Variants in RPS19 observed in about 807,000 individuals in gnomAD.
RPS19 encodes the protein small ribosomal subunit protein eS19.
RPS19 carries 1 observed loss-of-function variant against 20.3 expected under a neutral mutation model. That is an observed-to-expected ratio of 0.05 (90% CI 0.02 to 0.23). The LOEUF is 0.23. Among genes scored for constraint, RPS19 ranks in the 10% least tolerant of loss-of-function variants. The pLI is 1.00. For missense variants in RPS19, 111 were observed against 192.7 expected (o/e 0.58, Z 2.51); for synonymous variants, 87 against 74.8 (o/e 1.16, Z -0.84).
rs781789110 is a variant in RPS19, at chr19:41,869,225, TA to T, written c.356+12del. 10 of 1,610,508 alleles carry T rather than the reference TA, an allele frequency of 6.2e-6. No homozygotes were observed. The East Asian group carries it at 1.6e-4, about 25-fold the overall frequency. On this transcript the variant is annotated intron_variant, in intron 4 of 5. Coordinates refer to ENST00000598742, the MANE Select transcript of RPS19 (RefSeq NM_001022.4). ...AAAGGACCAAGATGGGTAAGCAGGG[TA>T]GAGGGGGCTGCATTGATGGAGTAGC...
intron 2 of RPS19, 65 bp downstream of exon 2, chr19:41,860,910 C>T: frequency 7.1e-7 from 1 of 1,415,382 alleles, no homozygotes; most frequent in Non-Finnish European, 9.9e-7. Flanking sequence ...CATCTGAGCC[C>T]CAGTGTTTGC....
chr19:41,861,378 C>T, intron 3 of RPS19, 166 bp downstream of exon 3: 3 of 647,190 alleles, frequency 4.6e-6, no homozygotes, highest in South Asian at 1.7e-5. Flanking sequence ...ACTTGGTACT[C>T]CAAGTTTTTA....
At chr19:41,860,634 C>T (rs2074018033) in intron 1 of RPS19, 141 bp from the exon 2 acceptor site, 2 of 780,378 alleles carry the variant, frequency 2.6e-6, no homozygotes, top group East Asian at 2.4e-5. Flanking sequence ...GAGCCGGAGC[C>T]CGGCGTTGAA....
intron 3 of RPS19, among the ~76,000 whole-genome samples, 179 bp from the exon 4 acceptor site, chr19:41,868,848 TTGTC>T (rs754925301): frequency 6.0e-4 from 91 of 150,724 alleles, no homozygotes; most frequent in Non-Finnish European, 1.2e-3. Flanking sequence ...GCAGGGCTGT[TTGTC>T]AAGGAAGAGC....
chr19:41,866,745 G>A (rs1284472162), intron 3 of RPS19, among the ~76,000 whole-genome samples: 16 of 152,142 alleles, frequency 1.1e-4, no homozygotes, highest in Admixed American at 5.9e-4. Flanking sequence ...GGCCGGGTGC[G>A]GTGGCTCAAC....
At chr19:41,860,967 C>T (rs1307514877) in intron 2 of RPS19, 122 bp downstream of exon 2, 4 of 1,113,340 alleles carry the variant, frequency 3.6e-6, no homozygotes, top group Non-Finnish European at 5.5e-6. Flanking sequence ...TGGCTCCTTT[C>T]AGCGTGAGGC....
intron 3 of RPS19, among the ~76,000 whole-genome samples, chr19:41,866,672 C>T (rs1248085961): frequency 1.3e-5 from 2 of 152,172 alleles, no homozygotes; most frequent in Admixed American, 1.3e-4. Flanking sequence ...CCAGGATGAA[C>T]CCCAATACCC....
intron 3 of RPS19, 111 bp from the exon 4 acceptor site, chr19:41,868,920 T>G (rs2074116023): frequency 8.7e-7 from 1 of 1,150,112 alleles, no homozygotes; most frequent in Non-Finnish European, 1.3e-6. Flanking sequence ...TAGTGTGTGT[T>G]TTCAGTTTCC....
intron 3 of RPS19, among the ~76,000 whole-genome samples, chr19:41,866,913 A>T (rs1336056215): frequency 6.6e-6 from 1 of 152,128 alleles, no homozygotes; most frequent in Non-Finnish European, 1.5e-5. Context: ...GCTACTCTGG[A>T]GGCTGAGGCA....
intron 3 of RPS19, among the ~76,000 whole-genome samples, chr19:41,862,816 A>G (rs1459785443): frequency 3.3e-5 from 5 of 152,052 alleles, no homozygotes; most frequent in Non-Finnish European, 5.9e-5. Context: ...ACTGATCTCC[A>G]TCACTTGGAG....
chr19:41,861,055 T>C lies in RPS19; in HGVS notation c.72-57T>C, dbSNP rs914716034. 3.0e-6 allele frequency: 4 copies of C among 1,339,474 alleles called. No individual in the cohort carries two copies. In the East Asian group the frequency reaches 6.9e-5, roughly 23 times the overall value. 83.0% of individuals were successfully genotyped at this position (1,339,474 alleles called of 1,614,324 possible). On this transcript the variant is annotated intron_variant, in intron 2 of 5. Transcript: ENST00000598742. The stretch of plus-strand genomic sequence containing the variant: ...TGTGTTGAGGGGAGGGCATTTGGGA[T>C]ATGGGGTAGTTTGTGGAGATGACTG...
chr19:41,871,291 A>C, intron 5 of RPS19, 60 bp from the exon 6 acceptor site: 2 of 1,537,066 alleles, frequency 1.3e-6, no homozygotes, highest in Non-Finnish European at 1.8e-6. Context: ...GGTAGCTGTT[A>C]CAAAGTGCCC....
At position 41,871,592 on chromosome 19, in the gene RPS19, C is replaced by G; in HGVS notation, c.*215C>G. The G allele has an allele frequency of 5.4e-6, 3 of 554,266 alleles. No individual in the cohort carries two copies. The highest frequency in any genetic ancestry group is 5.9e-5 in the Admixed American group (2 of 33,794). 34.3% of individuals were successfully genotyped at this position (554,266 alleles called of 1,614,324 possible). ...CCACTGTGCCTGGTCTGGTTTGGGTCTCTTGATTGTTCTTCAGGGGCATGA... is the reference window on the plus strand; with the variant it reads ...CCACTGTGCCTGGTCTGGTTTGGGTGTCTTGATTGTTCTTCAGGGGCATGA... On this transcript the variant is annotated 3_prime_UTR_variant, in exon 6 of 6. Coordinates refer to ENST00000598742, the MANE Select transcript of RPS19 (RefSeq NM_001022.4).
intron 5 of RPS19, among the ~76,000 whole-genome samples, chr19:41,870,214 C>T (rs1335342435): frequency 6.6e-6 from 1 of 151,854 alleles, no homozygotes; most frequent in Non-Finnish European, 1.5e-5. Context: ...TGCACCCCAG[C>T]CTGGGCAACA....
At chr19:41,860,463 A>G in intron 1 of RPS19, 174 bp downstream of exon 1, 1 of 415,140 alleles carries the variant, frequency 2.4e-6, no homozygotes, top group African/African-American at 2.1e-5. Flanking sequence ...CCGTCCGGGA[A>G]CCGAGCGTGG....
Position 41,871,336 on chromosome 19 carries a change from C to G in RPS19, c.412-15C>G. 2 of 1,613,674 alleles carry G rather than the reference C, an allele frequency of 1.2e-6. No homozygotes were observed. The highest frequency in any genetic ancestry group is 1.7e-6 in the Non-Finnish European group (2 of 1,179,648). ...CCCCCTTGACTAACTTTTATTCTTC[C>G]ATCTTTTCCCACAGGTGGCAGCTGC... On this transcript the variant is annotated splice_polypyrimidine_tract_variant and intron_variant, in intron 5 of 5. Coordinates refer to ENST00000598742, the MANE Select transcript of RPS19 (RefSeq NM_001022.4).
chr19:41,862,800 C>G (rs2074045795), intron 3 of RPS19, among the ~76,000 whole-genome samples: 2 of 152,162 alleles, frequency 1.3e-5, no homozygotes, highest in African/African-American at 4.8e-5. Context: ...CATCTTCTGC[C>G]TGCCTACTGA....
chr19:41,861,094 C>T lies in RPS19; in HGVS notation c.72-18C>T, dbSNP rs782606053. 4 of 1,600,598 alleles carry T rather than the reference C, an allele frequency of 2.5e-6. No homozygotes were observed. The highest frequency in any genetic ancestry group is 2.7e-5 in the African/African-American group (2 of 74,628). ...TGGAGATGACTGAATCGTGCTTTTC[C>T]CACTGTTTTGGTCTTAGGTCCGGGA... On this transcript the variant is annotated intron_variant, in intron 2 of 5. Transcript: ENST00000598742.
At chr19:41,866,869 T>C (rs1397015511) in intron 3 of RPS19, among the ~76,000 whole-genome samples, 3 of 151,694 alleles carry the variant, frequency 2.0e-5, no homozygotes, top group Non-Finnish European at 4.4e-5. Context: ...ACAAAAAAAT[T>C]AGCCAGGCGT....
Sources: gnomAD v4.1 joint callset for allele counts (sites outside exome capture counted in the v4.1 genomes callset) on GRCh38, gnomAD v4.1.1 for gene constraint, MANE v1.5 for transcripts, NCBI Gene and HGNC (gene_info 2026-07-23, HGNC 2026-07-21) for gene names.